DEFA3: variants seen among roughly 807,000 people sequenced by gnomAD.
The protein encoded by DEFA3 is defensin alpha 3, also known as neutrophil defensin 3.
For missense variants in DEFA3, 8 were observed against 128.1 expected, an observed-to-expected ratio of 0.06 and a Z score of 4.53; for synonymous variants, 3 against 47.2, an observed-to-expected ratio of 0.06 and a Z score of 3.84.
intron 1 of DEFA3, among the ~76,000 whole-genome samples, chr8:7,017,921 T>C (rs1239757090): frequency 6.6e-6 from 1 of 152,258 alleles, no homozygotes; most frequent in Non-Finnish European, 1.5e-5. Flanking sequence ...AACAACCTGA[T>C]TGAAAGACAG....
chr8:7,016,127 A>T (rs1810955631), intron 2 of DEFA3, 28 bp from the exon 3 acceptor site: 1 of 1,321,824 alleles, frequency 7.6e-7, no homozygotes, highest in South Asian at 1.3e-5. Flanking sequence ...TGAGAAATTG[A>T]GTATGGAGTT....
At chr8:7,018,089 G>A (rs1224982999) in intron 1 of DEFA3, 133 bp downstream of exon 1, 3 of 150,106 alleles carry the variant, frequency 2.0e-5, no homozygotes, top group Non-Finnish European at 3.0e-5. Flanking sequence ...GTCACCAGAG[G>A]TCCGGACAGA....
At chr8:7,018,156 G>A (rs1282516299) in intron 1 of DEFA3, 66 bp downstream of exon 1, 2 of 150,776 alleles carry the variant, frequency 1.3e-5, no homozygotes, top group Non-Finnish European at 2.9e-5. Flanking sequence ...ACAGTCAGAG[G>A]TCAGATTGGA....
chr8:7,016,335 A>T (rs1204664860), intron 2 of DEFA3, among the ~76,000 whole-genome samples: 2 of 151,658 alleles, frequency 1.3e-5, no homozygotes, highest in African/African-American at 4.9e-5. Flanking sequence ...ACACACCTGA[A>T]CATACCCTCA....
Position 7,018,144 on chromosome 8 carries a change from C to T in DEFA3, c.-13+78G>A, listed in dbSNP as rs1308271722. 5 of 150,598 alleles carry T rather than the reference C, an allele frequency of 3.3e-5. 1 individual carries two copies. The highest frequency in any genetic ancestry group is 1.2e-4 in the African/African-American group (5 of 40,570). The allele number at this position is 150,598 out of a possible 1,614,324, so 9.3% of individuals were successfully genotyped here. On this transcript the variant is annotated intron_variant, in intron 1 of 2. Transcript: ENST00000327857. ...CCCGCTGGGTCCCTCTGGGGCGGCC[C>T]CACAGTCAGAGGTCAGATTGGAGGC... is the stretch of plus-strand genomic sequence containing the variant.
intron 2 of DEFA3, among the ~76,000 whole-genome samples, chr8:7,016,314 C>T (rs1158085703): frequency 6.6e-6 from 1 of 151,984 alleles, no homozygotes; most frequent in African/African-American, 2.4e-5. Context: ...TGCATTCCTG[C>T]CCCATCACAC....
chr8:7,016,493 T>G (rs1810977662), intron 2 of DEFA3, among the ~76,000 whole-genome samples, 183 bp downstream of exon 2: 1 of 148,120 alleles, frequency 6.8e-6, no homozygotes, highest in Admixed American at 6.7e-5. Flanking sequence ...GAATCAAGTC[T>G]TTGGAGAAAT....
chr8:7,016,318 A>T (rs931628006), intron 2 of DEFA3, among the ~76,000 whole-genome samples: 10 of 152,046 alleles, frequency 6.6e-5, no homozygotes, highest in African/African-American at 2.2e-4. Flanking sequence ...TTCCTGCCCC[A>T]TCACACACAC....
At position 7,017,977 on chromosome 8, in the gene DEFA3, C is replaced by G. The variant is rs1811049294; in HGVS notation, c.-13+245G>C. On this transcript the variant is annotated intron_variant, in intron 1 of 2. Coordinates refer to ENST00000327857, the MANE Select transcript of DEFA3 (RefSeq NM_005217.4). ...TCTCTCAAAAGAATGTTCCAAAGAC[C>G]TGTGATAGTCTCTACTGGACATGTC... is the stretch of plus-strand genomic sequence containing the variant. 9.2e-5 allele frequency among the ~76,000 whole-genome samples: 14 copies of G among 151,890 alleles called. No homozygotes were observed. The South Asian group carries it at 2.9e-3, about 32-fold the overall frequency.
intron 2 of DEFA3, among the ~76,000 whole-genome samples, 164 bp from the exon 3 acceptor site, chr8:7,016,263 T>C (rs1368007392): frequency 6.6e-6 from 1 of 152,250 alleles, no homozygotes; most frequent in Non-Finnish European, 1.5e-5. Context: ...GCAGTGCTTG[T>C]CACACAGAAT....
rs1362220307 is a variant in DEFA3 at position 7,016,381 on chromosome 8, G to C, written c.176-282C>G. Among the ~76,000 whole-genome samples the C allele has an allele frequency of 1.2e-4, 4 of 32,686 alleles. 1 individual carries two copies. Among genetic ancestry groups the C allele is most frequent in the African/African-American group, 6.7e-4 (3 of 4,482 alleles). The allele number at this position is 32,686 out of a possible 152,430, so 21.4% of individuals were successfully genotyped here. A position where few individuals can be genotyped will look rare whatever the true frequency, so the allele number is the denominator to read the frequency against. On this transcript the variant is annotated intron_variant, in intron 2 of 2. Coordinates refer to ENST00000327857, the MANE Select transcript of DEFA3 (RefSeq NM_005217.4). The stretch of plus-strand genomic sequence containing the variant: ...CAGTTTTTAAAAGCTCTTCTGTAGA[G>C]TAAAATGTTCTCTTTACAACTAAGT...
intron 2 of DEFA3, among the ~76,000 whole-genome samples, 178 bp downstream of exon 2, chr8:7,016,498 A>C (rs961098161): frequency 6.7e-6 from 1 of 148,254 alleles, no homozygotes; most frequent in Non-Finnish European, 1.5e-5. Context: ...AAGTCTTTGG[A>C]GAAATAAAGT....
In DEFA3 at chr8:7,016,102, G is replaced by T; in HGVS notation, c.176-3C>A. On this transcript the variant is annotated splice_region_variant and splice_polypyrimidine_tract_variant and intron_variant, in intron 2 of 2. Transcript: ENST00000327857. Reference sequence around the variant, plus strand: ...GCAGTCCATGTTTTTCCTTGAGCCTGGGACAGGGAGAGCATGAGAAATTGA... The same window carrying T: ...GCAGTCCATGTTTTTCCTTGAGCCTTGGACAGGGAGAGCATGAGAAATTGA... 7 of 1,433,944 alleles carry T rather than the reference G, an allele frequency of 4.9e-6. 2 individuals are homozygous for T. Among genetic ancestry groups the T allele is most frequent in the Non-Finnish European group, 6.7e-6 (7 of 1,048,920 alleles). 88.8% of individuals were successfully genotyped at this position (1,433,944 alleles called of 1,614,324 possible). A position where few individuals can be genotyped will look rare whatever the true frequency, so the allele number is the denominator to read the frequency against.
Position 7,018,019 on chromosome 8 carries a change from T to C in DEFA3, c.-13+203A>G, listed in dbSNP as rs985739020. Among the ~76,000 whole-genome samples, 67 of 122,116 alleles carry C rather than the reference T, an allele frequency of 5.5e-4. 1 individual carries two copies. Among genetic ancestry groups the C allele is most frequent in the African/African-American group, 2.0e-3 (62 of 31,510 alleles). 80.1% of individuals were successfully genotyped at this position (122,116 alleles called of 152,430 possible). ...GGACATGTCAACCAGGACATGTGTG[T>C]TTAGAAGGAAACTGCTTGAGTTTCT... On this transcript the variant is annotated intron_variant, in intron 1 of 2. Coordinates refer to ENST00000327857, the MANE Select transcript of DEFA3 (RefSeq NM_005217.4).
rs1810946773 is a variant in DEFA3, at chr8:7,015,902, A to T, written c.*88T>A. The T allele has an allele frequency of 8.6e-7, 1 of 1,166,658 alleles. No homozygotes were observed. Among genetic ancestry groups the T allele is most frequent in the South Asian group, 1.3e-5 (1 of 77,010 alleles). The allele number at this position is 1,166,658 out of a possible 1,614,324, so 72.3% of individuals were successfully genotyped here. A position where few individuals can be genotyped will look rare whatever the true frequency, so the allele number is the denominator to read the frequency against. The stretch of plus-strand genomic sequence containing the variant: ...CAAGGCATTTATTTGAGATGAGGAA[A>T]GGAAATTGAGCAGAAGGTACAGGAG... On this transcript the variant is annotated 3_prime_UTR_variant, in exon 3 of 3. Transcript: ENST00000327857.
At chr8:7,017,847 A>G (rs1040134826) in intron 1 of DEFA3, among the ~76,000 whole-genome samples, 174 of 152,022 alleles carry the variant, frequency 1.1e-3, no homozygotes, top group African/African-American at 4.0e-3. Context: ...TGCAAAACCT[A>G]CATGGCAGAA....
chr8:7,016,287 T>G (rs745562843), intron 2 of DEFA3, among the ~76,000 whole-genome samples, 188 bp from the exon 3 acceptor site: 810 of 151,374 alleles, frequency 5.4e-3, no homozygotes, highest in African/African-American at 0.019. Flanking sequence ...AGACTCATTC[T>G]CCTTTGCTCT....
chr8:7,018,005 C>G (rs1332941721), intron 1 of DEFA3, among the ~76,000 whole-genome samples: 1 of 87,952 alleles, frequency 1.1e-5, no homozygotes, highest in Admixed American at 1.1e-4. Flanking sequence ...GACATGTCAA[C>G]CAGGACATGT....
At chr8:7,016,346 G>C (rs1810970111) in intron 2 of DEFA3, among the ~76,000 whole-genome samples, 2 of 150,186 alleles carry the variant, frequency 1.3e-5, no homozygotes, top group Admixed American at 1.3e-4. Flanking sequence ...CATACCCTCA[G>C]GCTTGGCTGC....
Sources: allele counts gnomAD v4.1 joint callset (sites outside exome capture counted in the v4.1 genomes callset), GRCh38; gene constraint gnomAD v4.1.1; transcripts MANE v1.5; gene names NCBI Gene and HGNC (gene_info 2026-07-23, HGNC 2026-07-21).